Variants in RASSF2 observed in about 807,000 individuals in gnomAD.
RASSF2 encodes the protein ras association domain-containing protein 2.
Under a neutral mutation model 46.3 loss-of-function variants are expected in RASSF2, and 34 were observed. The ratio of observed to expected loss-of-function variants is 0.73; its 90% CI spans 0.56 to 0.98. The LOEUF is 0.98. Ranked by LOEUF, RASSF2 falls within the 50% of genes least tolerant of loss-of-function variation. The probability of loss-of-function intolerance (pLI) is 0.00; values close to 1 mark genes in which losing one functional copy is unlikely to be tolerated. For synonymous variants in RASSF2, 158 were observed against 162.5 expected, an observed-to-expected ratio of 0.97 and a Z score of 0.21; for missense variants, 364 against 431.2, an observed-to-expected ratio of 0.84 and a Z score of 1.38.
At chr20:4,807,877 T>G (rs1008750716) in intron 2 of RASSF2, among the ~76,000 whole-genome samples, 1 of 152,248 alleles carries the variant, frequency 6.6e-6, no homozygotes, top group African/African-American at 2.4e-5. Flanking sequence ...TGCCCCACTC[T>G]GGGCATCTGC....
Position 4,782,483 on chromosome 20 carries a change from C to G in RASSF2, c.*1790G>C, listed in dbSNP as rs994220776. 4.6e-5 allele frequency: 7 copies of G among 152,664 alleles called. No individual in the cohort carries two copies. Among genetic ancestry groups the G allele is most frequent in the African/African-American group, 1.2e-4 (5 of 41,472 alleles). The allele number at this position is 152,664 out of a possible 1,614,324, so 9.5% of individuals were successfully genotyped here. A position where few individuals can be genotyped will look rare whatever the true frequency, so the allele number is the denominator to read the frequency against. On this transcript the variant is annotated 3_prime_UTR_variant, in exon 12 of 12. Coordinates refer to ENST00000379400, the MANE Select transcript of RASSF2 (RefSeq NM_014737.3). ...CCCAGTTCTGTGCAGCTTGCAGAAG[C>G]CCTTCTGGGCTTCCACTCCATGCCC...
intron 2 of RASSF2, among the ~76,000 whole-genome samples, chr20:4,810,499 G>A (rs571314446): frequency 2.6e-5 from 4 of 152,236 alleles, no homozygotes; most frequent in East Asian, 3.9e-4. Flanking sequence ...CCTGGAGAAC[G>A]TGCCACCTTT....
At chr20:4,801,205 C>G (rs1012119526) in intron 2 of RASSF2, 143 bp from the exon 3 acceptor site, 12 of 635,602 alleles carry the variant, frequency 1.9e-5, no homozygotes, top group Non-Finnish European at 2.8e-6. Context: ...AACACTGACC[C>G]AAGGCTGTGA....
chr20:4,790,725 T>C lies in RASSF2; in HGVS notation c.377-114A>G, dbSNP rs570296275. The C allele has an allele frequency of 4.3e-4, 308 of 717,992 alleles. 2 individuals carry two copies. The African/African-American group carries it at 4.3e-3, about 10-fold the overall frequency. The allele number at this position is 717,992 out of a possible 1,614,324, so 44.5% of individuals were successfully genotyped here. ...ACTGTCTCCACAAATATATATTTTATACAAATAATATTTTCTGCTGGGGGA... is the reference window on the plus strand; with the variant it reads ...ACTGTCTCCACAAATATATATTTTACACAAATAATATTTTCTGCTGGGGGA... On this transcript the variant is annotated intron_variant, in intron 6 of 11. Coordinates refer to ENST00000379400, the MANE Select transcript of RASSF2 (RefSeq NM_014737.3). The surrounding 1 kb of genome is among the most constrained non-coding windows in gnomAD (Gnocchi z 4.3).
At position 4,800,997 on chromosome 20, in the gene RASSF2, A is replaced by G. The variant is rs749656544; in HGVS notation, c.34T>C (p.Cys12Arg). The G allele has an allele frequency of 1.1e-5, 17 of 1,613,296 alleles. No homozygotes were observed. Among genetic ancestry groups the G allele is most frequent in the Middle Eastern group, 1.6e-4 (1 of 6,078 alleles). The stretch of plus-strand genomic sequence containing the variant: ...TTGGAAATGTATTTATCTTGTCCAC[A>G]TGGGACTAGGGACGTTTGGTGGCTG... Reference protein sequence around the residue: ...DYSHQTSLVPCGQDKYISKNE... With the variant: ...DYSHQTSLVPRGQDKYISKNE... The change falls in exon 3 of 12, where the codon TGT (cysteine) becomes CGT (arginine). Residue 12 changes from cysteine (C) to arginine (R), a missense_variant. Transcript: ENST00000379400.
chr20:4,797,871 C>T, intron 4 of RASSF2, 139 bp downstream of exon 4: 1 of 1,393,494 alleles, frequency 7.2e-7, no homozygotes, highest in Non-Finnish European at 9.5e-7. Flanking sequence ...TCCAAAGAAC[C>T]CCAAGGACTC....
chr20:4,803,331 T>G (rs1278194573), intron 2 of RASSF2, among the ~76,000 whole-genome samples: 1 of 152,136 alleles, frequency 6.6e-6, no homozygotes, highest in Non-Finnish European at 1.5e-5. Flanking sequence ...AGACAGCCTC[T>G]AGAAGCTGGA....
intron 2 of RASSF2, among the ~76,000 whole-genome samples, chr20:4,810,173 G>A (rs140932053): frequency 2.5e-4 from 38 of 152,338 alleles, no homozygotes; most frequent in African/African-American, 7.9e-4. Flanking sequence ...AGCCTAGGCT[G>A]CCGGAACGGG....
intron 2 of RASSF2, among the ~76,000 whole-genome samples, chr20:4,810,801 C>A (rs2423029): frequency 0.38 from 57,785 of 151,994 alleles, 11,232 homozygotes; most frequent in Admixed American, 0.49. Flanking sequence ...GTTCTATAGG[C>A]TCCAGGCAGC....
chr20:4,800,442 G>T (rs950194870), intron 3 of RASSF2, among the ~76,000 whole-genome samples: 3 of 152,148 alleles, frequency 2.0e-5, no homozygotes, highest in Admixed American at 2.0e-4. Flanking sequence ...GAAGTCCAAC[G>T]TCAGGGTAGA....
rs1215612328 is a variant in RASSF2 at position 4,783,792 on chromosome 20, T to C, written c.*481A>G. ...CAAATGGTGAACCTGGAGAACCCTC[T>C]TCCCTCTCTAAACACAGACAGACGT... On this transcript the variant is annotated 3_prime_UTR_variant, in exon 12 of 12. Transcript: ENST00000379400. 6.4e-6 allele frequency: 1 copy of C among 155,910 alleles called. No individual in the cohort carries two copies. Among genetic ancestry groups the C allele is most frequent in the Non-Finnish European group, 1.4e-5 (1 of 70,138 alleles). 9.7% of individuals were successfully genotyped at this position (155,910 alleles called of 1,614,324 possible).
intron 5 of RASSF2, among the ~76,000 whole-genome samples, chr20:4,794,323 C>G (rs1441968005): frequency 1.3e-5 from 2 of 152,092 alleles, no homozygotes; most frequent in Non-Finnish European, 2.9e-5. Flanking sequence ...GGTCCCGGAA[C>G]TTTGGGAGGT....
intron 3 of RASSF2, 139 bp downstream of exon 3, chr20:4,800,833 C>T (rs1926799417): frequency 1.4e-6 from 1 of 726,720 alleles, no homozygotes; most frequent in Non-Finnish European, 2.5e-6. Flanking sequence ...AGTTCAGCTG[C>T]TTGGCTCCTT....
chr20:4,801,083 C>CA, intron 2 of RASSF2, 21 bp from the exon 3 acceptor site: 3 of 1,595,772 alleles, frequency 1.9e-6, no homozygotes, highest in Non-Finnish European at 2.6e-6. Flanking sequence ...AAGGAGAAGA[C>CA]AGAGGTTAAA....
Position 4,786,234 on chromosome 20 carries a change from C to A in RASSF2, c.908G>T (p.Arg303Leu), listed in dbSNP as rs192780679. 3 of 1,606,464 alleles carry A rather than the reference C, an allele frequency of 1.9e-6. No homozygotes were observed. ...EEDREVKKLMRKYTVLRLMIR... is the reference protein window; with the variant it reads ...EEDREVKKLMLKYTVLRLMIR... ...GTGCCCCAGAAGCCACACTTACTTGCGCATCAGCTTCTTTACTTCCCGATC... is the reference window on the plus strand; with the variant it reads ...GTGCCCCAGAAGCCACACTTACTTGAGCATCAGCTTCTTTACTTCCCGATC... The change falls in exon 11 of 12, where the codon CGC becomes CTC. Residue 303 changes from arginine to leucine, a missense_variant. Arg to Leu is a moderately radical substitution (Grantham distance 102, BLOSUM62 -2). Coordinates refer to ENST00000379400, the MANE Select transcript of RASSF2 (RefSeq NM_014737.3).
intron 11 of RASSF2, 119 bp downstream of exon 11, chr20:4,786,112 A>G: frequency 2.5e-6 from 2 of 815,910 alleles, no homozygotes; most frequent in Non-Finnish European, 4.0e-6. Flanking sequence ...AGCCCTCCAA[A>G]GAAAGCCGAG....
rs368163556 is a variant in RASSF2 at position 4,788,324 on chromosome 20, C to T, written c.640-56G>A. The stretch of plus-strand genomic sequence containing the variant: ...AGTTTCTATTTAAACATCCCAACTT[C>T]GAGGCTTTTCCTCTTCTTTAGCAAT... On this transcript the variant is annotated intron_variant, in intron 8 of 11. Transcript: ENST00000379400. 125 of 1,504,936 alleles carry T rather than the reference C, an allele frequency of 8.3e-5. No individual in the cohort carries two copies. The African/African-American group carries it at 1.4e-3, about 17-fold the overall frequency. 93.2% of individuals were successfully genotyped at this position (1,504,936 alleles called of 1,614,324 possible).
At chr20:4,797,930 C>T in intron 4 of RASSF2, 80 bp downstream of exon 4, 1 of 1,583,360 alleles carries the variant, frequency 6.3e-7, no homozygotes. Flanking sequence ...TCTCTTGGGA[C>T]CTCAGGGACC....
intron 4 of RASSF2, 26 bp downstream of exon 4, chr20:4,797,984 C>T: frequency 6.2e-7 from 1 of 1,612,894 alleles, no homozygotes; most frequent in South Asian, 1.1e-5. Context: ...ACTAGCCAAT[C>T]AGGGCCGTCC....
Sources: allele counts gnomAD v4.1 joint callset (sites outside exome capture counted in the v4.1 genomes callset), GRCh38; gene constraint gnomAD v4.1.1; non-coding constraint Gnocchi (gnomAD v3.1); transcripts MANE v1.5; gene names NCBI Gene and HGNC (gene_info 2026-07-23, HGNC 2026-07-21).